Variants in STAG2 observed in about 807,000 individuals in gnomAD.
STAG2 encodes cohesin subunit SA-2.
Under a neutral mutation model 108.1 loss-of-function variants are expected in STAG2, and 14 were observed. That is an observed-to-expected ratio of 0.13 (90% CI 0.09 to 0.20). STAG2 has a LOEUF of 0.20. Ranked by LOEUF, STAG2 falls within the 10% of genes least tolerant of loss-of-function variation. The pLI is 1.00. For synonymous variants in STAG2, 307 were observed against 302.7 expected, an observed-to-expected ratio of 1.01 and a Z score of -0.15; for missense variants, 440 against 940.9, an observed-to-expected ratio of 0.47 and a Z score of 6.96.
At chrX:123,964,745 A>T (rs1010543368) in intron 1 of STAG2, among the ~76,000 whole-genome samples, 8 of 109,690 alleles carry the variant, frequency 7.3e-5, no homozygotes, top group Non-Finnish European at 3.8e-5. Flanking sequence ...TGATAAGAAA[A>T]TGAGTGTTTA....
intron 1 of STAG2, among the ~76,000 whole-genome samples, chrX:123,964,292 G>A (rs1484827822): frequency 1.8e-5 from 2 of 111,031 alleles, no homozygotes; most frequent in African/African-American, 6.5e-5. Context: ...TATAAAACAG[G>A]CAACATAAAT....
intron 30 of STAG2, among the ~76,000 whole-genome samples, chrX:124,089,582 G>A (rs2059201225): frequency 9.0e-6 from 1 of 110,628 alleles, no homozygotes; most frequent in African/African-American, 3.3e-5. Flanking sequence ...CTTTTAACTG[G>A]TCTGTTTGCT....
intron 13 of STAG2, among the ~76,000 whole-genome samples, chrX:124,051,766 A>G (rs760778370): frequency 9.1e-6 from 1 of 109,868 alleles, no homozygotes; most frequent in Non-Finnish European, 1.9e-5. Context: ...TATTTTTTGT[A>G]TTTTTAGTAG....
chrX:124,027,554 C>A (rs2148031632), intron 4 of STAG2, among the ~76,000 whole-genome samples: 1 of 111,363 alleles, frequency 9.0e-6, no homozygotes, highest in East Asian at 2.8e-4. Flanking sequence ...TTTTGTGCCA[C>A]AGTTTGGTTA....
chrX:124,091,754 C>T (rs960417797), intron 32 of STAG2, among the ~76,000 whole-genome samples: 3 of 112,565 alleles, frequency 2.7e-5, no homozygotes, highest in African/African-American at 9.7e-5. Context: ...AGGGCAGGGA[C>T]CACATTCATT....
chrX:124,085,765 CTG>C (rs2059086363), intron 29 of STAG2, among the ~76,000 whole-genome samples: 1 of 53,095 alleles, frequency 1.9e-5, no homozygotes, highest in Non-Finnish European at 3.4e-5. Flanking sequence ...CAGAGTGAGA[CTG>C]TGTCTCAAAA....
rs778658841 is a variant in STAG2, at chrX:124,011,079, G to GT, written c.-162-10284dup. On this transcript the variant is annotated intron_variant, in intron 1 of 34. Coordinates refer to ENST00000371145, the MANE Select transcript of STAG2 (RefSeq NM_001042750.2). ...TCTTTCATTTCAGCAGTATTTTGTA[G>GT]TTTTCAGTGTACAAGTCTTCTACGT... Among the ~76,000 whole-genome samples the GT allele has an allele frequency of 3.8e-3, 423 of 111,300 alleles. 1 individual carries two copies. The highest frequency in any genetic ancestry group is 0.013 in the African/African-American group (396 of 30,695).
intron 2 of STAG2, among the ~76,000 whole-genome samples, chrX:124,022,301 G>T (rs1027045552): frequency 9.1e-6 from 1 of 109,331 alleles, no homozygotes; most frequent in African/African-American, 3.3e-5. Context: ...AACCTGGGAG[G>T]CAGAGGTTGC....
At chrX:123,984,532 A>G (rs1225478739) in intron 1 of STAG2, among the ~76,000 whole-genome samples, 2 of 111,691 alleles carry the variant, frequency 1.8e-5, no homozygotes, top group Non-Finnish European at 3.8e-5. Flanking sequence ...TTCTCTCTTC[A>G]ATGTTGTAAA....
intron 13 of STAG2, among the ~76,000 whole-genome samples, chrX:124,051,659 C>A (rs776585096): frequency 5.7e-4 from 62 of 109,397 alleles, no homozygotes; most frequent in African/African-American, 1.9e-3. Context: ...GGTACGATCT[C>A]AGCTCACTGC....
intron 1 of STAG2, among the ~76,000 whole-genome samples, chrX:123,994,292 C>T (rs967742692): frequency 9.0e-6 from 1 of 111,584 alleles, no homozygotes; most frequent in Non-Finnish European, 1.9e-5. Flanking sequence ...GAATCTCACT[C>T]ATTACCAAAA....
chrX:124,035,175 A>G (rs1004845112), intron 5 of STAG2, among the ~76,000 whole-genome samples: 5 of 110,999 alleles, frequency 4.5e-5, no homozygotes, highest in African/African-American at 1.6e-4. Context: ...TTGGTTTAAA[A>G]CTGGTTGTTA....
intron 1 of STAG2, among the ~76,000 whole-genome samples, chrX:123,967,961 C>G (rs1350588336): frequency 9.4e-6 from 1 of 106,662 alleles, no homozygotes; most frequent in Non-Finnish European, 1.9e-5. Context: ...GGTGCAGTGG[C>G]GAGATCTTGG....
At chrX:123,989,256 A>C (rs2055332783) in intron 1 of STAG2, among the ~76,000 whole-genome samples, 1 of 111,870 alleles carries the variant, frequency 8.9e-6, no homozygotes, top group Admixed American at 9.5e-5. Flanking sequence ...CATAGCAAAA[A>C]TTTAGTACAA....
intron 1 of STAG2, among the ~76,000 whole-genome samples, chrX:123,982,666 C>T (rs1189542475): frequency 9.2e-6 from 1 of 109,170 alleles, no homozygotes. Context: ...AGATTATAGG[C>T]GTGAGCCACC....
rs953788573 is a variant in STAG2, at chrX:124,102,626, T to C, written c.*2029T>C. On this transcript the variant is annotated 3_prime_UTR_variant, in exon 35 of 35. Coordinates refer to ENST00000371145, the MANE Select transcript of STAG2 (RefSeq NM_001042750.2). ...TATAGAGAATACCATCAGTTTATAT[T>C]TTTAATAAATCATATGTATTTACAA... The C allele has an allele frequency of 2.9e-5, 4 of 139,368 alleles. No individual in the cohort carries two copies. Among genetic ancestry groups the C allele is most frequent in the Non-Finnish European group, 5.8e-5 (4 of 69,466 alleles). The allele number at this position is 139,368 out of a possible 1,213,427, so 11.5% of individuals were successfully genotyped here.
chrX:124,090,572 C>T lies in STAG2; in HGVS notation c.3278-3C>T. The T allele has an allele frequency of 8.3e-7, 1 of 1,198,957 alleles. No homozygotes were observed. Among genetic ancestry groups the T allele is most frequent in the Non-Finnish European group, 1.1e-6 (1 of 888,258 alleles). On this transcript the variant is annotated splice_region_variant and splice_polypyrimidine_tract_variant and intron_variant, in intron 30 of 34. Coordinates refer to ENST00000371145, the MANE Select transcript of STAG2 (RefSeq NM_001042750.2). Reference sequence around the variant, plus strand: ...AAACCTCGTCGTTAATTTTCTTTTCCAGCTGAAGAAAGTAGTAGTAGTGAC... The same window carrying T: ...AAACCTCGTCGTTAATTTTCTTTTCTAGCTGAAGAAAGTAGTAGTAGTGAC...
intron 23 of STAG2, among the ~76,000 whole-genome samples, chrX:124,068,174 TTTA>T (rs2058585493): frequency 8.9e-6 from 1 of 112,313 alleles, no homozygotes; most frequent in Non-Finnish European, 1.9e-5. Context: ...CTGTTTCTTT[TTTA>T]TTATTTTATT....
chrX:123,985,548 AG>A (rs1385330748), intron 1 of STAG2, among the ~76,000 whole-genome samples: 1 of 110,799 alleles, frequency 9.0e-6, no homozygotes, highest in Admixed American at 9.7e-5. Flanking sequence ...ATGATCCTTT[AG>A]GGAGGGAGGT....
Sources: gnomAD v4.1 joint callset for allele counts (sites outside exome capture counted in the v4.1 genomes callset) on GRCh38, gnomAD v4.1.1 for gene constraint, MANE v1.5 for transcripts, NCBI Gene and HGNC (gene_info 2026-07-23, HGNC 2026-07-21) for gene names.